The following CCDC178 variants were observed in gnomAD, a reference collection of about 807,000 sequenced individuals.
The protein encoded by CCDC178 is coiled-coil domain containing 178.
A neutral mutation model predicts 117.4 loss-of-function variants in CCDC178; 126 were observed. The observed-to-expected ratio is 1.07, with a 90% CI of 0.93 to 1.24. CCDC178 has a LOEUF of 1.24. Ranked by LOEUF, CCDC178 falls within the 50% of genes most tolerant of loss-of-function variation. The pLI is 0.00. For synonymous variants in CCDC178, 283 were observed against 313.4 expected, an observed-to-expected ratio of 0.90 and a Z score of 1.02; for missense variants, 1,030 against 986.9, an observed-to-expected ratio of 1.04 and a Z score of -0.59.
chr18:32,990,660 T>C (rs930105106), intron 21 of CCDC178, among the ~76,000 whole-genome samples: 1 of 152,074 alleles, frequency 6.6e-6, no homozygotes, highest in African/African-American at 2.4e-5. Context: ...TGTCTTCAAA[T>C]ACATACAGAA....
intron 7 of CCDC178, among the ~76,000 whole-genome samples, chr18:33,355,975 C>A (rs997191758): frequency 1.2e-4 from 18 of 152,148 alleles, no homozygotes; most frequent in Non-Finnish European, 2.1e-4. Flanking sequence ...AATTACAATG[C>A]CACAGTGCTC....
At chr18:33,040,241 C>T (rs2056523125) in intron 21 of CCDC178, among the ~76,000 whole-genome samples, 1 of 151,694 alleles carries the variant, frequency 6.6e-6, no homozygotes, top group Non-Finnish European at 1.5e-5. Flanking sequence ...AATAAAATAC[C>T]AACTTACAAA....
chr18:32,958,553 T>A (rs1477406101), intron 22 of CCDC178, among the ~76,000 whole-genome samples: 3 of 152,186 alleles, frequency 2.0e-5, no homozygotes, highest in Non-Finnish European at 4.4e-5. Context: ...TCCAGCAGGT[T>A]TGTTTTGGTA....
chr18:33,269,828 C>T (rs1333606080), intron 12 of CCDC178, among the ~76,000 whole-genome samples: 3 of 151,416 alleles, frequency 2.0e-5, no homozygotes, highest in East Asian at 1.9e-4. Flanking sequence ...CAGTTTTCAA[C>T]AACTAAAAAT....
intron 2 of CCDC178, among the ~76,000 whole-genome samples, chr18:33,430,456 C>T (rs182595732): frequency 1.1e-3 from 167 of 152,278 alleles, no homozygotes; most frequent in Middle Eastern, 3.4e-3. Flanking sequence ...AAGACAGTTT[C>T]AGGACCATGT....
chr18:33,152,604 A>C (rs1384281785), intron 20 of CCDC178, among the ~76,000 whole-genome samples: 1 of 152,062 alleles, frequency 6.6e-6, no homozygotes, highest in Non-Finnish European at 1.5e-5. Context: ...CTGAAGTCCC[A>C]AATATGTGAA....
chr18:33,418,988 C>T (rs990297506), intron 2 of CCDC178, among the ~76,000 whole-genome samples: 6 of 151,962 alleles, frequency 3.9e-5, no homozygotes, highest in African/African-American at 1.4e-4. Context: ...AACAACTATG[C>T]TAAAAAATTC....
chr18:33,389,696 C>A (rs1206012971), intron 4 of CCDC178, 67 bp from the exon 5 acceptor site: 2 of 723,174 alleles, frequency 2.8e-6, no homozygotes. Context: ...AAAATAAGCA[C>A]CACCATGTAA....
At chr18:33,155,997 T>C (rs2058389309) in intron 20 of CCDC178, among the ~76,000 whole-genome samples, 1 of 150,646 alleles carries the variant, frequency 6.6e-6, no homozygotes, top group Admixed American at 6.6e-5. Context: ...AAGAGAAATC[T>C]TTAGTAAAAA....
At chr18:33,423,126 A>G (rs1357355045) in intron 2 of CCDC178, among the ~76,000 whole-genome samples, 2 of 152,182 alleles carry the variant, frequency 1.3e-5, no homozygotes, top group Admixed American at 6.5e-5. Flanking sequence ...GAAAAATTGC[A>G]TAACAGTATA....
intron 21 of CCDC178, among the ~76,000 whole-genome samples, chr18:32,977,250 A>G (rs1331617089): frequency 6.6e-6 from 1 of 152,142 alleles, no homozygotes; most frequent in Non-Finnish European, 1.5e-5. Flanking sequence ...CCATGATGCC[A>G]TATCAGTTAA....
intron 19 of CCDC178, among the ~76,000 whole-genome samples, chr18:33,212,373 T>C (rs912498398): frequency 7.2e-5 from 11 of 151,914 alleles, no homozygotes; most frequent in Non-Finnish European, 1.3e-4. Context: ...ATATGACCCA[T>C]TGTCCAGGGG....
At chr18:33,042,670 T>C (rs947093947) in intron 21 of CCDC178, among the ~76,000 whole-genome samples, 1 of 151,918 alleles carries the variant, frequency 6.6e-6, no homozygotes, top group African/African-American at 2.4e-5. Context: ...AATTATACTG[T>C]GGTTACTAGG....
At chr18:33,344,850 CACACAT>C (rs754308379) in intron 9 of CCDC178, among the ~76,000 whole-genome samples, 5,789 of 118,042 alleles carry the variant, frequency 0.049, 124 homozygotes, top group Middle Eastern at 0.063. Flanking sequence ...CACACACACA[CACACAT>C]ATATTTATAA....
chr18:33,062,349 C>A (rs1047052459), intron 21 of CCDC178, among the ~76,000 whole-genome samples: 8 of 152,290 alleles, frequency 5.3e-5, no homozygotes, highest in African/African-American at 1.9e-4. Context: ...TTCACGATGG[C>A]TGAATAGAGG....
intron 22 of CCDC178, among the ~76,000 whole-genome samples, chr18:32,953,793 T>C (rs1231264961): frequency 6.6e-6 from 1 of 152,222 alleles, no homozygotes; most frequent in Non-Finnish European, 1.5e-5. Context: ...TGTTTTTCAA[T>C]GGACTTCCTT....
chr18:33,301,139 T>G (rs371898007), intron 11 of CCDC178, among the ~76,000 whole-genome samples: 29 of 152,156 alleles, frequency 1.9e-4, no homozygotes, highest in African/African-American at 7.0e-4. Context: ...CAGCTACAAT[T>G]ATGGCTCAAA....
chr18:33,183,843 G>A (rs2058758860), intron 20 of CCDC178, among the ~76,000 whole-genome samples: 1 of 152,064 alleles, frequency 6.6e-6, no homozygotes, highest in Non-Finnish European at 1.5e-5. Flanking sequence ...TTTTCATGAT[G>A]TGTTCAGGTA....
At chr18:33,160,851 C>T (rs532108259) in intron 20 of CCDC178, among the ~76,000 whole-genome samples, 17 of 152,152 alleles carry the variant, frequency 1.1e-4, no homozygotes, top group East Asian at 1.9e-4. Context: ...CCTCACATAC[C>T]TTATGCTTTC....
Sources: allele counts gnomAD v4.1 joint callset (sites outside exome capture counted in the v4.1 genomes callset), GRCh38; gene constraint gnomAD v4.1.1; transcripts MANE v1.5; gene names NCBI Gene and HGNC (gene_info 2026-07-23, HGNC 2026-07-21).